Variants in DOCK9 observed in about 807,000 individuals in gnomAD.
DOCK9 encodes the protein dedicator of cytokinesis protein 9.
DOCK9 carries 89 observed loss-of-function variants against 263.3 expected under a neutral mutation model. The ratio of observed to expected loss-of-function variants is 0.34; its 90% confidence interval spans 0.28 to 0.40. The LOEUF is 0.40. Ranked by LOEUF, DOCK9 falls within the 10% of genes least tolerant of loss-of-function variation. The probability of loss-of-function intolerance (pLI) is 1.00; values close to 1 mark genes in which losing one functional copy is unlikely to be tolerated. For synonymous variants in DOCK9, 976 were observed against 973.1 expected (o/e 1.00, Z -0.06); for missense variants, 2,140 against 2,603.4 (o/e 0.82, Z 3.87).
chr13:98,898,112 A>C, intron 14 of DOCK9, 67 bp downstream of exon 14: 1 of 1,048,440 alleles, frequency 9.5e-7, no homozygotes, highest in Non-Finnish European at 1.4e-6. Context: ...AACAAACAGA[A>C]TAGGCCTATT....
chr13:98,959,408 G>A (rs966249299), intron 1 of DOCK9: 1 of 152,164 alleles, frequency 6.6e-6, no homozygotes, highest in Non-Finnish European at 1.5e-5. Context: ...CCTACCTCAG[G>A]TCACTTAATG....
intron 34 of DOCK9, among the ~76,000 whole-genome samples, chr13:98,854,176 T>C (rs931467227): frequency 6.6e-6 from 1 of 151,808 alleles, no homozygotes; most frequent in African/African-American, 2.4e-5. Context: ...TCAGAAAGCT[T>C]GGGGCAAACA....
intron 2 of DOCK9, chr13:98,950,001 A>G (rs776172674): frequency 4.0e-6 from 2 of 496,630 alleles, no homozygotes; most frequent in Non-Finnish European, 7.8e-6. Context: ...TTTCAAAATG[A>G]GTTCTTGGAC....
Position 98,794,552 on chromosome 13 carries a change from G to C in DOCK9, c.*74C>G. ...GTCCTCCCTGTGCTCGGTCTCCCCA[G>C]TGATTGGCTTTGGAAAGCATCCTGA... On this transcript the variant is annotated 3_prime_UTR_variant, in exon 53 of 53. Coordinates refer to ENST00000682017, the MANE Select transcript of DOCK9 (RefSeq NM_001366683.2). The C allele has an allele frequency of 6.6e-7, 1 of 1,514,132 alleles. No homozygotes were observed. The highest frequency in any genetic ancestry group is 8.9e-7 in the Non-Finnish European group (1 of 1,121,080). The allele number at this position is 1,514,132 out of a possible 1,614,324, so 93.8% of individuals were successfully genotyped here.
intron 1 of DOCK9, among the ~76,000 whole-genome samples, chr13:98,958,578 T>C (rs2058323787): frequency 6.6e-6 from 1 of 152,206 alleles, no homozygotes; most frequent in Non-Finnish European, 1.5e-5. Flanking sequence ...CCACAGACAA[T>C]AAGTAAACAC....
At chr13:99,067,737 G>T (rs547826786) in intron 1 of DOCK9, among the ~76,000 whole-genome samples, 1 of 152,152 alleles carries the variant, frequency 6.6e-6, no homozygotes, top group Admixed American at 6.5e-5. Context: ...GACATGAAAT[G>T]CAATGCTCAC....
Position 98,902,933 on chromosome 13 carries a change from ATT to A in DOCK9, c.1176+37_1176+38del, listed in dbSNP as rs35240640. 1.1e-3 allele frequency: 1,489 copies of A among 1,318,022 alleles called. 8 individuals carry two copies. The African/African-American group carries it at 0.015, about 13-fold the overall frequency. The allele number at this position is 1,318,022 out of a possible 1,614,324, so 81.6% of individuals were successfully genotyped here. ...AAAGGTACATCTGAAACCTCTGCCT[ATT>A]TTTTTTTTAATGTTTATTTTTAAAA... On this transcript the variant is annotated intron_variant, in intron 11 of 52. Coordinates refer to ENST00000682017, the MANE Select transcript of DOCK9 (RefSeq NM_001366683.2).
At chr13:98,837,788 GTAA>G (rs1424384715) in intron 38 of DOCK9, among the ~76,000 whole-genome samples, 179 bp from the exon 39 acceptor site, 1 of 151,738 alleles carries the variant, frequency 6.6e-6, no homozygotes, top group Non-Finnish European at 1.5e-5. Flanking sequence ...GGAGAAAGTA[GTAA>G]TAATGTTTCA....
intron 1 of DOCK9, among the ~76,000 whole-genome samples, chr13:99,010,588 T>C (rs969473476): frequency 6.6e-6 from 1 of 150,858 alleles, no homozygotes; most frequent in African/African-American, 2.4e-5. Flanking sequence ...GGAAATACTT[T>C]AGGAAAAATC....
intron 1 of DOCK9, among the ~76,000 whole-genome samples, chr13:98,993,460 T>G (rs535502175): frequency 2.0e-5 from 3 of 152,304 alleles, no homozygotes; most frequent in East Asian, 1.9e-4. Flanking sequence ...TACATGAGAG[T>G]GTCTATTATT....
intron 1 of DOCK9, among the ~76,000 whole-genome samples, chr13:99,069,421 C>A (rs1182197681): frequency 1.3e-5 from 2 of 152,158 alleles, no homozygotes; most frequent in African/African-American, 4.8e-5. Context: ...AATATACAAG[C>A]ACGGAGGAGA....
intron 1 of DOCK9, among the ~76,000 whole-genome samples, chr13:99,054,461 G>T (rs1447752728): frequency 2.0e-5 from 3 of 152,134 alleles, no homozygotes; most frequent in Non-Finnish European, 2.9e-5. Flanking sequence ...TGGTAATAAA[G>T]CAGGTTTTAC....
chr13:98,996,705 A>G (rs1004160285), intron 1 of DOCK9, among the ~76,000 whole-genome samples: 5 of 152,214 alleles, frequency 3.3e-5, no homozygotes, highest in Non-Finnish European at 7.3e-5. Context: ...CTCATCAGCT[A>G]TCACTAGTGT....
At chr13:98,973,756 T>C (rs1173865927) in intron 1 of DOCK9, among the ~76,000 whole-genome samples, 1 of 152,080 alleles carries the variant, frequency 6.6e-6, no homozygotes, top group Non-Finnish European at 1.5e-5. Context: ...TGCCACCTCG[T>C]CTGGCTAATT....
intron 15 of DOCK9, 26 bp downstream of exon 15, chr13:98,897,462 T>C: frequency 6.2e-7 from 1 of 1,612,024 alleles, no homozygotes; most frequent in South Asian, 1.1e-5. Flanking sequence ...ATTTTTCAGG[T>C]GTGGAAATAA....
chr13:98,963,236 C>T (rs2058853135), intron 1 of DOCK9, among the ~76,000 whole-genome samples: 1 of 152,180 alleles, frequency 6.6e-6, no homozygotes, highest in Admixed American at 6.5e-5. Context: ...CCTTCAATCT[C>T]TTGGAACTCC....
At chr13:98,892,942 C>T (rs2046848239) in intron 15 of DOCK9, among the ~76,000 whole-genome samples, 1 of 152,186 alleles carries the variant, frequency 6.6e-6, no homozygotes, top group African/African-American at 2.4e-5. Flanking sequence ...CAAGTAACCG[C>T]CTCCAGGACT....
intron 1 of DOCK9, among the ~76,000 whole-genome samples, chr13:98,996,260 G>C (rs748705226): frequency 1.3e-5 from 2 of 152,156 alleles, no homozygotes; most frequent in African/African-American, 4.8e-5. Flanking sequence ...AGTGCTGCTC[G>C]TAATTACCAC....
At chr13:98,946,347 C>A (rs1392991365) in intron 2 of DOCK9, among the ~76,000 whole-genome samples, 1 of 152,090 alleles carries the variant, frequency 6.6e-6, no homozygotes, top group East Asian at 1.9e-4. Flanking sequence ...GCGATGGTTC[C>A]AACAGGGGGA....
Sources: allele counts gnomAD v4.1 joint callset (sites outside exome capture counted in the v4.1 genomes callset), GRCh38; gene constraint gnomAD v4.1.1; transcripts MANE v1.5; gene names NCBI Gene and HGNC (gene_info 2026-07-23, HGNC 2026-07-21).